SLCO1B3: variants seen among roughly 807,000 people sequenced by gnomAD.
SLCO1B3 encodes the protein liver-specific organic anion transporter 2.
In SLCO1B3, 72 loss-of-function variants were observed where a neutral mutation model predicts 71.8. The ratio of observed to expected loss-of-function variants is 1.00; its 90% CI spans 0.83 to 1.22. SLCO1B3 has a LOEUF of 1.22. Ranked by LOEUF, SLCO1B3 falls within the 50% of genes most tolerant of loss-of-function variation. The pLI is 0.00. For missense variants in SLCO1B3, 911 were observed against 819.7 expected, an observed-to-expected ratio of 1.11 and a Z score of -1.36; for synonymous variants, 298 against 278.4, an observed-to-expected ratio of 1.07 and a Z score of -0.70.
chr12:20,879,671 C>A, intron 11 of SLCO1B3, 40 bp downstream of exon 11: 5 of 1,284,278 alleles, frequency 3.9e-6, no homozygotes, highest in African/African-American at 1.5e-5. Flanking sequence ...AATATGTTAA[C>A]CATCAAATTA....
chr12:20,877,657 T>A (rs1316589510), intron 9 of SLCO1B3, 115 bp from the exon 10 acceptor site: 1 of 419,888 alleles, frequency 2.4e-6, no homozygotes, highest in Non-Finnish European at 3.8e-6. Flanking sequence ...CGCGACTCTC[T>A]TAGAAAGCCT....
Position 20,875,462 on chromosome 12 carries a change from A to C in SLCO1B3, c.955A>C (p.Thr319Pro). ...TTTGACCAACCAAGGAAAAAATGTT[A>C]CCAAAAATGTGACTGGTAGGTATTT... Reference protein sequence around the residue: ...ANLTNQGKNVTKNVTGFFQSL... With the variant: ...ANLTNQGKNVPKNVTGFFQSL... Residue 319 changes from threonine (T) to proline (P), a missense_variant, in exon 9 of 16, where the codon ACC (threonine) becomes CCC (proline). Coordinates refer to ENST00000381545, the MANE Select transcript of SLCO1B3 (RefSeq NM_019844.4). 6.2e-7 allele frequency: 1 copy of C among 1,602,374 alleles called. No individual in the cohort carries two copies.
intron 1 of SLCO1B3, among the ~76,000 whole-genome samples, chr12:20,812,904 AAAAT>A (rs950799060): frequency 4.6e-5 from 7 of 152,242 alleles, no homozygotes; most frequent in African/African-American, 7.2e-5. Context: ...TAATTGGTAA[AAAAT>A]AAATATTTTC....
At chr12:20,820,782 A>G (rs898193823) in intron 3 of SLCO1B3, among the ~76,000 whole-genome samples, 1 of 127,418 alleles carries the variant, frequency 7.8e-6, no homozygotes, top group Non-Finnish European at 1.7e-5. Flanking sequence ...TTGCTGCCGA[A>G]TGAGCCATGA....
At chr12:20,860,883 A>T in intron 5 of SLCO1B3, 134 bp from the exon 6 acceptor site, 1 of 878,056 alleles carries the variant, frequency 1.1e-6, no homozygotes, top group Non-Finnish European at 1.7e-6. Context: ...CATGCTGGGA[A>T]GTTGACAAAC....
intron 13 of SLCO1B3, among the ~76,000 whole-genome samples, chr12:20,896,203 C>T (rs1236110906): frequency 2.9e-5 from 2 of 67,938 alleles, no homozygotes; most frequent in African/African-American, 6.5e-5. Flanking sequence ...TGGGAATTAA[C>T]ATTCAGCTTT....
At chr12:20,829,277 A>G (rs762720385) in intron 3 of SLCO1B3, among the ~76,000 whole-genome samples, 1 of 152,194 alleles carries the variant, frequency 6.6e-6, no homozygotes, top group Non-Finnish European at 1.5e-5. Flanking sequence ...TTCCAAGACA[A>G]AAACTACAAT....
chr12:20,822,968 TG>T (rs1446282576), intron 3 of SLCO1B3, among the ~76,000 whole-genome samples: 1 of 152,188 alleles, frequency 6.6e-6, no homozygotes, highest in Non-Finnish European at 1.5e-5. Context: ...TCTTGAATTT[TG>T]TCTGATCTCG....
At chr12:20,906,605 A>G (rs1274212167) in intron 15 of SLCO1B3, among the ~76,000 whole-genome samples, 2 of 152,328 alleles carry the variant, frequency 1.3e-5, no homozygotes, top group East Asian at 3.9e-4. Context: ...AGATCTCCAT[A>G]CAGTTTTCTG....
At chr12:20,872,581 T>G (rs944362691) in intron 8 of SLCO1B3, among the ~76,000 whole-genome samples, 2 of 151,950 alleles carry the variant, frequency 1.3e-5, no homozygotes, top group African/African-American at 4.8e-5. Context: ...AGGCCCTGAG[T>G]GCATTACTTT....
intron 8 of SLCO1B3, among the ~76,000 whole-genome samples, chr12:20,870,195 A>G (rs1311345555): frequency 6.6e-6 from 1 of 152,054 alleles, no homozygotes; most frequent in Admixed American, 6.6e-5. Context: ...TTTTTTTGCT[A>G]TGGAGTTGTA....
chr12:20,883,558 G>A lies in SLCO1B3; in HGVS notation c.1638G>A (p.Leu546=). 6.2e-7 allele frequency: 1 copy of A among 1,601,704 alleles called. No individual in the cohort carries two copies. The highest frequency in any genetic ancestry group is 8.5e-7 in the Non-Finnish European group (1 of 1,175,920). Residue 546 remains leucine, a synonymous_variant, in exon 13 of 16, where the codon TTG becomes TTA. Coordinates refer to ENST00000381545, the MANE Select transcript of SLCO1B3 (RefSeq NM_019844.4). ...IYVAIQVINS[L]FSATGGTTFI... ...TTGCAATTCAAGTCATAAACTCTTT[G>A]TTCTCTGCAACAGGAGGTACCACAT...
intron 14 of SLCO1B3, 64 bp downstream of exon 14, chr12:20,898,564 G>T: frequency 1.4e-6 from 1 of 721,402 alleles, no homozygotes; most frequent in South Asian, 2.1e-5. Context: ...ACTAAAGACT[G>T]AATGCAATTA....
At chr12:20,883,849 T>C (rs372523945) in intron 13 of SLCO1B3, among the ~76,000 whole-genome samples, 1 of 16,762 alleles carries the variant, frequency 6.0e-5, no homozygotes, top group East Asian at 2.5e-3. Flanking sequence ...AGGCACACAC[T>C]GATTGACAGT....
chr12:20,815,885 G>T (rs2121070696), intron 3 of SLCO1B3, 63 bp downstream of exon 3: 2 of 987,432 alleles, frequency 2.0e-6, no homozygotes, highest in Admixed American at 2.4e-5. Context: ...TGTATAGAAA[G>T]GCCACTAACT....
At chr12:20,898,358 G>A (rs1489211093) in intron 13 of SLCO1B3, 78 bp from the exon 14 acceptor site, 1 of 868,882 alleles carries the variant, frequency 1.2e-6, no homozygotes, top group Non-Finnish European at 2.0e-6. Flanking sequence ...GAGGAATGAT[G>A]CTGATAAATG....
chr12:20,867,708 C>A (rs181368508), intron 8 of SLCO1B3, among the ~76,000 whole-genome samples: 1 of 152,212 alleles, frequency 6.6e-6, no homozygotes, highest in East Asian at 1.9e-4. Context: ...GAAATGAAAG[C>A]AAACAGTGGA....
At chr12:20,881,710 C>G (rs1865697215) in intron 12 of SLCO1B3, among the ~76,000 whole-genome samples, 1 of 151,864 alleles carries the variant, frequency 6.6e-6, no homozygotes, top group Non-Finnish European at 1.5e-5. Flanking sequence ...TCCTGTTTTT[C>G]CCAATATCCT....
At chr12:20,883,069 T>C (rs901401895) in intron 12 of SLCO1B3, among the ~76,000 whole-genome samples, 2 of 152,192 alleles carry the variant, frequency 1.3e-5, no homozygotes, top group African/African-American at 4.8e-5. Context: ...TTTCAAACTA[T>C]ATTTTCTGGA....
Sources: gnomAD v4.1 joint callset for allele counts (sites outside exome capture counted in the v4.1 genomes callset) on GRCh38, gnomAD v4.1.1 for gene constraint, MANE v1.5 for transcripts, NCBI Gene and HGNC (gene_info 2026-07-23, HGNC 2026-07-21) for gene names.